Variants in ABCA6 observed in about 807,000 individuals in gnomAD.
ABCA6 encodes ATP-binding cassette sub-family A member 6.
ABCA6 carries 164 observed loss-of-function variants against 191.2 expected under a neutral mutation model. The ratio of observed to expected loss-of-function variants is 0.86; its 90% CI spans 0.76 to 0.98. The LOEUF is 0.98. Ranked by LOEUF, ABCA6 falls within the 50% of genes least tolerant of loss-of-function variation. The probability of loss-of-function intolerance (pLI) is 0.00; values close to 1 mark genes in which losing one functional copy is unlikely to be tolerated. For missense variants in ABCA6, 1,958 were observed against 1,894.1 expected (o/e 1.03, Z -0.63); for synonymous variants, 636 against 647.7 (o/e 0.98, Z 0.27).
rs528662997 is a variant in ABCA6, at chr17:69,138,747, G to C, written c.97-1247C>G. Reference sequence around the variant, plus strand: ...AGCATGGTACTGGTACCAAAACAGAGATATAGATCAATGGAACAGAACAGA... The same window carrying C: ...AGCATGGTACTGGTACCAAAACAGACATATAGATCAATGGAACAGAACAGA... On this transcript the variant is annotated intron_variant, in intron 2 of 38. Coordinates refer to ENST00000284425, the MANE Select transcript of ABCA6 (RefSeq NM_080284.3). Among the ~76,000 whole-genome samples the C allele has an allele frequency of 5.8e-3, 869 of 150,034 alleles. 8 individuals are homozygous for C. Among genetic ancestry groups the C allele is most frequent in the African/African-American group, 0.02 (817 of 40,920 alleles).
intron 4 of ABCA6, chr17:69,135,391 T>C (rs1314329478): frequency 6.6e-6 from 1 of 152,454 alleles, no homozygotes; most frequent in Admixed American, 6.6e-5. Context: ...GGGCTATATC[T>C]GGAGTGTTCC....
intron 36 of ABCA6, among the ~76,000 whole-genome samples, chr17:69,081,562 C>T (rs2072637505): frequency 6.6e-6 from 1 of 152,042 alleles, no homozygotes; most frequent in African/African-American, 2.4e-5. Context: ...ATTTGCTTTA[C>T]ATTTACAATG....
chr17:69,083,403 A>G (rs746254865), intron 34 of ABCA6, 72 bp from the exon 35 acceptor site: 145 of 1,443,192 alleles, frequency 1.0e-4, no homozygotes, highest in Non-Finnish European at 1.3e-4. Context: ...AAAATACAAT[A>G]TATGAATCAT....
rs747731697 is a variant in ABCA6, at chr17:69,140,617, C to G, written c.87G>C (p.Glu29Asp). Residue 29 changes from glutamate (E) to aspartate (D), a missense_variant, in exon 2 of 39, where the codon GAG (glutamate) becomes GAC (aspartate). Transcript: ENST00000284425. ...AAATTTTTAAACATACCAATAAGCT[C>G]TCTCTTTTCATCCTCCATTTCTTAA... Reference protein sequence around the residue: ...NFLKKWRMKRESLLEWGLSIL... With the variant: ...NFLKKWRMKRDSLLEWGLSIL... 12 of 1,596,384 alleles carry G rather than the reference C, an allele frequency of 7.5e-6. No homozygotes were observed. In the South Asian group the frequency reaches 1.4e-4, roughly 18 times the overall value.
At chr17:69,103,996 TC>T (rs1216493059) in intron 20 of ABCA6, 3 of 137,360 alleles carry the variant, frequency 2.2e-5, no homozygotes. Flanking sequence ...TGAATTAGGA[TC>T]CCCCAACCAA....
rs1325101784 is a variant in ABCA6 at position 69,114,891 on chromosome 17, C to T, written c.1653G>A (p.Leu551=). The change falls in exon 13 of 39, where the codon TTG becomes TTA. Residue 551 remains leucine (L), a synonymous_variant. Transcript: ENST00000284425. ...YNKNLSEMQD[L]EEIRKITGVC... The stretch of plus-strand genomic sequence containing the variant: ...CGCCAGTTATCTTTCTGATTTCCTC[C>T]AAGTCTTGCATTTCAGAGAGATTTT... 2 of 1,611,870 alleles carry T rather than the reference C, an allele frequency of 1.2e-6. No individual in the cohort carries two copies. The highest frequency in any genetic ancestry group is 1.7e-6 in the Non-Finnish European group (2 of 1,178,806).
At chr17:69,133,965 A>G (rs556516617) in intron 5 of ABCA6, 98 bp from the exon 6 acceptor site, 4 of 846,824 alleles carry the variant, frequency 4.7e-6, no homozygotes, top group East Asian at 2.7e-5. Flanking sequence ...CGGTTCTCCA[A>G]TTTTTCTTAC....
rs2072561328 is a variant in ABCA6, at chr17:69,079,051, T to C, written c.4776A>G (p.Glu1592=). Residue 1592 remains glutamate (E), a synonymous_variant, in exon 39 of 39, where the codon GAA becomes GAG. Transcript: ENST00000284425. Reference sequence around the variant, plus strand: ...CTTCATCAAAATTTCCTACTTCCTGTTCTTTAGAAAGCTCTAAGAATACCT... The same window carrying C: ...CTTCATCAAAATTTCCTACTTCCTGCTCTTTAGAAAGCTCTAAGAATACCT... The part of the protein sequence containing the change: ...LEKVFLELSK[E]QEVGNFDEEI... 3 of 1,611,370 alleles carry C rather than the reference T, an allele frequency of 1.9e-6. No individual in the cohort carries two copies. Among genetic ancestry groups the C allele is most frequent in the Non-Finnish European group, 2.5e-6 (3 of 1,178,194 alleles).
At chr17:69,107,921 T>G (rs2073340254) in intron 17 of ABCA6, 109 bp from the exon 18 acceptor site, 1 of 729,874 alleles carries the variant, frequency 1.4e-6, no homozygotes, top group Non-Finnish European at 2.2e-6. Flanking sequence ...AAGAAAATTA[T>G]GTCCTTGGAG....
Position 69,135,859 on chromosome 17 carries a change from T to C in ABCA6, c.460+233A>G, listed in dbSNP as rs542963480. The C allele has an allele frequency of 4.1e-4, 209 of 510,488 alleles. 2 individuals carry two copies. In the South Asian group the frequency reaches 4.7e-3, roughly 12 times the overall value. The allele number at this position is 510,488 out of a possible 1,614,324, so 31.6% of individuals were successfully genotyped here. ...CCTGTCAGTCTTGGTTACTCATGTGTCCTTTGACACATGCATCTGCATGCT... is the reference window on the plus strand; with the variant it reads ...CCTGTCAGTCTTGGTTACTCATGTGCCCTTTGACACATGCATCTGCATGCT... On this transcript the variant is annotated intron_variant, in intron 4 of 38. Transcript: ENST00000284425.
Position 69,119,482 on chromosome 17 carries a change from T to C in ABCA6, c.1437-1526A>G, listed in dbSNP as rs376367386. On this transcript the variant is annotated intron_variant, in intron 10 of 38. Coordinates refer to ENST00000284425, the MANE Select transcript of ABCA6 (RefSeq NM_080284.3). Reference sequence around the variant, plus strand: ...TTTCAGTTTATTCCCCTAGAATCCATGCTTCACACAGGAAACAGGGTGATT... The same window carrying C: ...TTTCAGTTTATTCCCCTAGAATCCACGCTTCACACAGGAAACAGGGTGATT... Among the ~76,000 whole-genome samples the C allele has an allele frequency of 6.6e-5, 10 of 152,182 alleles. No homozygotes were observed. The East Asian group carries it at 1.2e-3, about 18-fold the overall frequency.
At chr17:69,128,837 A>G (rs765634436) in intron 7 of ABCA6, 33 bp from the exon 8 acceptor site, 1 of 1,509,448 alleles carries the variant, frequency 6.6e-7, no homozygotes, top group Non-Finnish European at 8.9e-7. Flanking sequence ...AGCTGTTATA[A>G]AAAATATTTA....
intron 31 of ABCA6, 104 bp downstream of exon 31, chr17:69,085,521 A>AAG: frequency 1.5e-5 from 5 of 331,642 alleles, no homozygotes; most frequent in Non-Finnish European, 2.4e-5. Context: ...TCCAAAGGCA[A>AAG]AAAAAAAAAA....
chr17:69,125,209 G>A (rs1432116046), intron 8 of ABCA6, among the ~76,000 whole-genome samples, 174 bp from the exon 9 acceptor site: 1 of 151,440 alleles, frequency 6.6e-6, no homozygotes, highest in Non-Finnish European at 1.5e-5. Context: ...ATTTTACAAT[G>A]AAAAATAATT....
intron 29 of ABCA6, among the ~76,000 whole-genome samples, chr17:69,087,116 A>T (rs1264065939): frequency 6.6e-6 from 1 of 152,198 alleles, no homozygotes; most frequent in African/African-American, 2.4e-5. Context: ...ATGAAAGCCC[A>T]CTTTTCTCAA....
intron 8 of ABCA6, among the ~76,000 whole-genome samples, chr17:69,127,174 G>T (rs1325818410): frequency 6.6e-6 from 1 of 152,140 alleles, no homozygotes; most frequent in African/African-American, 2.4e-5. Flanking sequence ...TAATGTAAAA[G>T]CTGAACCAGT....
rs2072849192 is a variant in ABCA6 at position 69,088,241 on chromosome 17, C to G, written c.3624G>C (p.Leu1208Phe). ...TGCATCTTAGAACAAAAACGAATAG[C>G]AAAGTCTGAAAGTAGGGCTATGAGC... ...LVCFIPYFQTLLFVFVLRCME... is the reference protein window; with the variant it reads ...LVCFIPYFQTFLFVFVLRCME... Residue 1208 changes from leucine to phenylalanine, a missense_variant, in exon 28 of 39, where the codon TTG becomes TTC. Coordinates refer to ENST00000284425, the MANE Select transcript of ABCA6 (RefSeq NM_080284.3). 1 of 1,610,260 alleles carries G rather than the reference C, an allele frequency of 6.2e-7. No homozygotes were observed. The highest frequency in any genetic ancestry group is 8.5e-7 in the Non-Finnish European group (1 of 1,177,950).
chr17:69,139,646 A>G (rs1223180844), intron 2 of ABCA6, among the ~76,000 whole-genome samples: 1 of 152,146 alleles, frequency 6.6e-6, no homozygotes, highest in East Asian at 1.9e-4. Flanking sequence ...ACACATGCAC[A>G]TGTATGTTTA....
Position 69,137,376 on chromosome 17 carries a change from GA to G in ABCA6, c.220del (p.Ser74LeufsTer2). On this transcript the variant is annotated frameshift_variant, in exon 3 of 39. Transcript: ENST00000284425. LOFTEE classifies it high-confidence loss of function. ...LGRVDKFNSS[S>X]LMVVYTPISN... ...TATTGGTGTATACACAACCATTAAA[GA>G]AGAGCTATTAAATTTATCTACCCTT... 6.2e-7 allele frequency: 1 copy of G among 1,613,668 alleles called. No homozygotes were observed. Among genetic ancestry groups the G allele is most frequent in the Non-Finnish European group, 8.5e-7 (1 of 1,179,768 alleles).
Sources: allele counts gnomAD v4.1 joint callset (sites outside exome capture counted in the v4.1 genomes callset), GRCh38; gene constraint gnomAD v4.1.1; transcripts MANE v1.5; gene names NCBI Gene and HGNC (gene_info 2026-07-23, HGNC 2026-07-21).